Variants in PRKCB observed in about 807,000 individuals in gnomAD.
PRKCB encodes protein kinase C beta.
In PRKCB, 13 loss-of-function variants were observed where a neutral mutation model predicts 81.5. The ratio of observed to expected loss-of-function variants is 0.16; its 90% CI spans 0.10 to 0.25. The LOEUF (loss-of-function observed/expected upper bound fraction) is 0.25, where lower values mean the gene tolerates loss of function less well. PRKCB is among the 10% of genes least tolerant of loss of function. PRKCB has a pLI of 1.00. For missense variants in PRKCB, 509 were observed against 875.7 expected, an observed-to-expected ratio of 0.58 and a Z score of 5.29; for synonymous variants, 335 against 321.4, an observed-to-expected ratio of 1.04 and a Z score of -0.45.
Position 24,218,437 on chromosome 16 carries a change from G to A in PRKCB, c.*3621G>A, listed in dbSNP as rs897723564. 2 of 985,294 alleles carry A rather than the reference G, an allele frequency of 2.0e-6. No individual in the cohort carries two copies. Among genetic ancestry groups the A allele is most frequent in the Non-Finnish European group, 2.4e-6 (2 of 829,994 alleles). The allele number at this position is 985,294 out of a possible 1,614,324, so 61.0% of individuals were successfully genotyped here. ...AGAGATGGACCCTACCCAGGAAACA[G>A]CTCCATCAGCATCTTAGCCTGCCCC... On this transcript the variant is annotated 3_prime_UTR_variant, in exon 17 of 17. Coordinates refer to ENST00000643927, the MANE Select transcript of PRKCB (RefSeq NM_002738.7).
intron 5 of PRKCB, among the ~76,000 whole-genome samples, chr16:24,043,007 G>T (rs1965722324): frequency 2.6e-5 from 4 of 152,170 alleles, no homozygotes. Flanking sequence ...AAAGCGCTGG[G>T]ATTATAGATG....
chr16:24,187,991 A>C (rs1166355321), intron 15 of PRKCB, among the ~76,000 whole-genome samples: 2 of 152,254 alleles, frequency 1.3e-5, no homozygotes, highest in African/African-American at 4.8e-5. Context: ...GTGGGCACAT[A>C]GTAGGTGTTT....
At chr16:24,206,426 A>C (rs1365513127) in intron 16 of PRKCB, among the ~76,000 whole-genome samples, 3 of 152,164 alleles carry the variant, frequency 2.0e-5, no homozygotes, top group African/African-American at 7.2e-5. Flanking sequence ...GTTAACCTGA[A>C]GGTGTCCTGG....
chr16:24,030,904 A>C (rs1432463059), intron 3 of PRKCB, among the ~76,000 whole-genome samples: 1 of 151,212 alleles, frequency 6.6e-6, no homozygotes, highest in Non-Finnish European at 1.5e-5. Flanking sequence ...ATCTCAAAAA[A>C]AAAAAAAAGA....
chr16:23,979,837 A>G (rs896990668), intron 2 of PRKCB, among the ~76,000 whole-genome samples: 1 of 152,202 alleles, frequency 6.6e-6, no homozygotes. Flanking sequence ...CCCTGTTAAT[A>G]TAACGAGGAC....
chr16:23,980,508 T>A (rs572925597), intron 2 of PRKCB, among the ~76,000 whole-genome samples: 1 of 152,228 alleles, frequency 6.6e-6, no homozygotes, highest in African/African-American at 2.4e-5. Context: ...GGTACTGTGA[T>A]AAAATAAGGC....
At chr16:24,114,222 C>T (rs1596554352) in intron 8 of PRKCB, among the ~76,000 whole-genome samples, 4 of 140,332 alleles carry the variant, frequency 2.9e-5, no homozygotes, top group South Asian at 2.4e-4. Flanking sequence ...TGCAATGGTG[C>T]GATCTCGGCT....
At chr16:24,132,450 A>T (rs945526757) in intron 9 of PRKCB, among the ~76,000 whole-genome samples, 113 of 152,262 alleles carry the variant, frequency 7.4e-4, no homozygotes, top group African/African-American at 2.6e-3. Flanking sequence ...CCTTGTAGGT[A>T]CAGAGGCAAT....
At chr16:24,176,953 C>A (rs2141969640) in intron 12 of PRKCB, among the ~76,000 whole-genome samples, 1 of 151,704 alleles carries the variant, frequency 6.6e-6, no homozygotes, top group South Asian at 2.1e-4. Flanking sequence ...TAAATTCAAG[C>A]CGATGACTTC....
At chr16:24,057,584 GAGA>G (rs1454313371) in intron 5 of PRKCB, among the ~76,000 whole-genome samples, 4 of 152,168 alleles carry the variant, frequency 2.6e-5, no homozygotes, top group Non-Finnish European at 4.4e-5. Flanking sequence ...CCTACTAAGA[GAGA>G]AGAAGAGAGA....
chr16:23,889,452 G>A (rs1963257213), intron 2 of PRKCB, among the ~76,000 whole-genome samples: 1 of 152,220 alleles, frequency 6.6e-6, no homozygotes, highest in Non-Finnish European at 1.5e-5. Context: ...TTAGCTATTA[G>A]CATTATGGCA....
intron 5 of PRKCB, among the ~76,000 whole-genome samples, chr16:24,061,059 T>C (rs1344794492): frequency 6.6e-6 from 1 of 152,126 alleles, no homozygotes; most frequent in African/African-American, 2.4e-5. Context: ...TTGTTAATAA[T>C]TTTTAATCTT....
intron 2 of PRKCB, among the ~76,000 whole-genome samples, chr16:23,897,142 G>A (rs1412729469): frequency 6.6e-6 from 1 of 152,180 alleles, no homozygotes; most frequent in Non-Finnish European, 1.5e-5. Context: ...TGGGATGGAG[G>A]GCCCATGATA....
intron 3 of PRKCB, among the ~76,000 whole-genome samples, chr16:24,029,282 C>A (rs1162888425): frequency 1.3e-5 from 2 of 152,186 alleles, no homozygotes; most frequent in Admixed American, 1.3e-4. Flanking sequence ...TCCTCATAAT[C>A]CACACATGTC....
In PRKCB at chr16:23,945,005, C is replaced by T. The variant is rs76314227; in HGVS notation, c.206-43503C>T. 6.8e-3 allele frequency among the ~76,000 whole-genome samples: 1,033 copies of T among 152,010 alleles called. 16 individuals are homozygous for T. Among genetic ancestry groups the T allele is most frequent in the African/African-American group, 0.023 (971 of 41,444 alleles). ...ATGAGCAAAAATGGAAGAGAAAGAACGTCAGAGAGGAGGCTATTGGGGGAT... is the reference window on the plus strand; with the variant it reads ...ATGAGCAAAAATGGAAGAGAAAGAATGTCAGAGAGGAGGCTATTGGGGGAT... On this transcript the variant is annotated intron_variant, in intron 2 of 16. Transcript: ENST00000643927.
At chr16:23,937,935 G>T (rs1180747810) in intron 2 of PRKCB, among the ~76,000 whole-genome samples, 2 of 152,298 alleles carry the variant, frequency 1.3e-5, no homozygotes, top group Middle Eastern at 3.4e-3. Context: ...AGAAGAGACC[G>T]AAGGAACTAG....
intron 3 of PRKCB, among the ~76,000 whole-genome samples, chr16:24,014,470 G>A (rs1965250573): frequency 6.6e-6 from 1 of 152,172 alleles, no homozygotes; most frequent in South Asian, 2.1e-4. Flanking sequence ...AAGGCCCCCT[G>A]GGGAATACCA....
chr16:24,057,086 C>CA (rs1389868964), intron 5 of PRKCB, among the ~76,000 whole-genome samples: 3 of 152,024 alleles, frequency 2.0e-5, no homozygotes, highest in Non-Finnish European at 2.9e-5. Context: ...TTGTTGAAAA[C>CA]AAAAATGTAA....
At chr16:24,020,976 T>TTCTC (rs60783634) in intron 3 of PRKCB, among the ~76,000 whole-genome samples, 1 of 96,630 alleles carries the variant, frequency 1.0e-5, no homozygotes. Context: ...AGACTTTTCT[T>TTCTC]TTTCTTTCTT....
Sources: allele counts gnomAD v4.1 joint callset (sites outside exome capture counted in the v4.1 genomes callset), GRCh38; gene constraint gnomAD v4.1.1; transcripts MANE v1.5; gene names NCBI Gene and HGNC (gene_info 2026-07-23, HGNC 2026-07-21).